The following IL1RAPL2 variants were observed in gnomAD, a reference collection of about 807,000 sequenced individuals.
IL1RAPL2 encodes interleukin 1 receptor accessory protein like 2.
A neutral mutation model predicts 44.1 loss-of-function variants in IL1RAPL2; 3 were observed. The observed-to-expected ratio is 0.07, with a 90% CI of 0.03 to 0.18. IL1RAPL2 has a LOEUF of 0.18. Among genes scored for constraint, IL1RAPL2 ranks in the 10% least tolerant of loss-of-function variants. The pLI is 1.00. For synonymous variants in IL1RAPL2, 181 were observed against 178.8 expected (o/e 1.01, Z -0.10); for missense variants, 391 against 496.4 (o/e 0.79, Z 2.02).
chrX:104,987,576 A>C (rs1003727138), intron 2 of IL1RAPL2, among the ~76,000 whole-genome samples: 1 of 110,582 alleles, frequency 9.0e-6, no homozygotes, highest in Non-Finnish European at 1.9e-5. Flanking sequence ...TCCTTTAGCA[A>C]AGTAGGCCTT....
At chrX:105,023,085 C>T (rs959370790) in intron 2 of IL1RAPL2, among the ~76,000 whole-genome samples, 1 of 111,056 alleles carries the variant, frequency 9.0e-6, no homozygotes, top group Non-Finnish European at 1.9e-5. Flanking sequence ...TCTGACACTG[C>T]CTTCCTGTAA....
intron 5 of IL1RAPL2, among the ~76,000 whole-genome samples, chrX:105,428,970 T>C (rs1176514078): frequency 1.8e-5 from 2 of 111,570 alleles, no homozygotes; most frequent in Non-Finnish European, 3.8e-5. Flanking sequence ...TGGAGACACG[T>C]TCTGCCCCAA....
intron 2 of IL1RAPL2, among the ~76,000 whole-genome samples, chrX:104,761,498 G>A (rs975809692): frequency 5.5e-5 from 6 of 109,808 alleles, no homozygotes; most frequent in East Asian, 5.8e-4. Flanking sequence ...ATTCTCCTCC[G>A]GCCCCTCCCA....
At chrX:105,033,503 G>A (rs2031555128) in intron 2 of IL1RAPL2, among the ~76,000 whole-genome samples, 4 of 111,516 alleles carry the variant, frequency 3.6e-5, no homozygotes, top group Admixed American at 2.9e-4. Flanking sequence ...GGCTGGATAT[G>A]AAATTCTGGG....
intron 2 of IL1RAPL2, among the ~76,000 whole-genome samples, chrX:105,193,499 T>C (rs782106853): frequency 8.9e-6 from 1 of 112,047 alleles, no homozygotes; most frequent in South Asian, 3.7e-4. Context: ...AAGAATAATA[T>C]AAAATCCATT....
chrX:104,863,244 T>C (rs1406110419), intron 2 of IL1RAPL2, among the ~76,000 whole-genome samples: 3 of 111,120 alleles, frequency 2.7e-5, no homozygotes, highest in Non-Finnish European at 5.7e-5. Context: ...CTGGGCTGGG[T>C]AGAGAGGGAG....
At chrX:104,650,073 T>G (rs1311539959) in intron 1 of IL1RAPL2, among the ~76,000 whole-genome samples, 2 of 111,570 alleles carry the variant, frequency 1.8e-5, no homozygotes, top group Non-Finnish European at 3.8e-5. Context: ...AGCAGCTTCA[T>G]TCTTTAGAAT....
chrX:105,461,096 T>G (rs908707788), intron 5 of IL1RAPL2, among the ~76,000 whole-genome samples: 1 of 111,612 alleles, frequency 9.0e-6, no homozygotes, highest in Non-Finnish European at 1.9e-5. Context: ...AGAAGAAGAT[T>G]AAATGAAATG....
At chrX:105,287,589 T>A (rs1376458643) in intron 5 of IL1RAPL2, among the ~76,000 whole-genome samples, 1 of 111,820 alleles carries the variant, frequency 8.9e-6, no homozygotes, top group Non-Finnish European at 1.9e-5. Context: ...ATGCTTGCAC[T>A]AGTCCAGGCT....
intron 2 of IL1RAPL2, among the ~76,000 whole-genome samples, chrX:104,885,386 T>C (rs1056572637): frequency 3.6e-5 from 4 of 111,736 alleles, no homozygotes; most frequent in Admixed American, 1.9e-4. Context: ...CCATGAATTA[T>C]TCAATGATGT....
At chrX:105,237,357 C>A (rs1254963780) in intron 4 of IL1RAPL2, among the ~76,000 whole-genome samples, 1 of 111,799 alleles carries the variant, frequency 8.9e-6, no homozygotes. Context: ...TGGGTATATA[C>A]CCAGTAATGG....
chrX:105,328,495 C>T (rs1158948655), intron 5 of IL1RAPL2, among the ~76,000 whole-genome samples: 1 of 111,523 alleles, frequency 9.0e-6, no homozygotes, highest in African/African-American at 3.3e-5. Context: ...GAGGTTTTAA[C>T]CTGTTAAGGT....
chrX:104,748,768 C>A (rs1273294515), intron 2 of IL1RAPL2, among the ~76,000 whole-genome samples: 1 of 111,346 alleles, frequency 9.0e-6, no homozygotes, highest in Non-Finnish European at 1.9e-5. Flanking sequence ...ATTCAGAGAG[C>A]AGAGAAAAGC....
At chrX:104,900,768 G>C (rs1923789557) in intron 2 of IL1RAPL2, among the ~76,000 whole-genome samples, 1 of 111,824 alleles carries the variant, frequency 8.9e-6, no homozygotes, top group Admixed American at 9.5e-5. Context: ...ACTTATATTG[G>C]AAAAAGCAAA....
intron 5 of IL1RAPL2, among the ~76,000 whole-genome samples, chrX:105,422,614 G>T: frequency 8.9e-6 from 1 of 112,071 alleles, no homozygotes; most frequent in Middle Eastern, 4.6e-3. Flanking sequence ...GTTCATAGAA[G>T]TATAATAAAT....
chrX:105,560,850 A>T (rs1361176186), intron 6 of IL1RAPL2, among the ~76,000 whole-genome samples: 3 of 109,796 alleles, frequency 2.7e-5, no homozygotes, highest in African/African-American at 9.8e-5. Flanking sequence ...TATATATTTT[A>T]TATGTACATT....
intron 5 of IL1RAPL2, among the ~76,000 whole-genome samples, chrX:105,355,344 T>C (rs1416076065): frequency 9.0e-6 from 1 of 111,256 alleles, no homozygotes; most frequent in Admixed American, 9.7e-5. Context: ...TACTGCATGC[T>C]TTTGCTTGCC....
At chrX:105,389,926 C>G (rs2035508713) in intron 5 of IL1RAPL2, among the ~76,000 whole-genome samples, 1 of 110,721 alleles carries the variant, frequency 9.0e-6, no homozygotes, top group African/African-American at 3.3e-5. Flanking sequence ...CAACCCTGTC[C>G]CTCTCCATCC....
intron 6 of IL1RAPL2, among the ~76,000 whole-genome samples, chrX:105,605,702 C>T (rs370248756): frequency 2.7e-5 from 3 of 111,186 alleles, no homozygotes; most frequent in East Asian, 5.7e-4. Flanking sequence ...CAAATTATGC[C>T]ACAAAGCTAT....
Sources: allele counts gnomAD v4.1 joint callset (sites outside exome capture counted in the v4.1 genomes callset), GRCh38; gene constraint gnomAD v4.1.1; transcripts MANE v1.5; gene names NCBI Gene and HGNC (gene_info 2026-07-23, HGNC 2026-07-21).